The following RAD51C variants were observed in gnomAD, a reference collection of about 807,000 sequenced individuals.
RAD51C encodes the protein RAD51 paralog C.
Under a neutral mutation model 45.0 loss-of-function variants are expected in RAD51C, and 42 were observed. The ratio of observed to expected loss-of-function variants is 0.93; its 90% CI spans 0.73 to 1.21. The LOEUF is 1.21. Among genes scored for constraint, RAD51C ranks in the 50% most tolerant of loss-of-function variants. The pLI is 0.00. For synonymous variants in RAD51C, 172 were observed against 159.8 expected (o/e 1.08, Z -0.58); for missense variants, 474 against 452.2 (o/e 1.05, Z -0.44).
intron 4 of RAD51C, among the ~76,000 whole-genome samples, chr17:58,707,850 C>T (rs1446173416): frequency 6.6e-6 from 1 of 152,168 alleles, no homozygotes; most frequent in Admixed American, 6.5e-5. Flanking sequence ...TGAGAGCTCT[C>T]TCCCTGGCAT....
chr17:58,724,676 T>C (rs2049052068), intron 7 of RAD51C, among the ~76,000 whole-genome samples: 3 of 152,176 alleles, frequency 2.0e-5, no homozygotes, highest in Admixed American at 1.3e-4. Context: ...TTTGTATTTG[T>C]TTTTAAAGCT....
At chr17:58,707,948 C>T (rs2048428156) in intron 4 of RAD51C, among the ~76,000 whole-genome samples, 1 of 152,090 alleles carries the variant, frequency 6.6e-6, no homozygotes, top group African/African-American at 2.4e-5. Context: ...GACACTAATC[C>T]TCTCAAATCA....
At chr17:58,700,940 A>G (rs1598468771) in intron 3 of RAD51C, among the ~76,000 whole-genome samples, 1 of 152,282 alleles carries the variant, frequency 6.6e-6, no homozygotes, top group East Asian at 1.9e-4. Flanking sequence ...TTTGTCATCC[A>G]GGCCGGATTG....
intron 4 of RAD51C, chr17:58,706,427 CT>C (rs1480175325): frequency 6.2e-6 from 2 of 323,224 alleles, no homozygotes; most frequent in Admixed American, 7.6e-5. Flanking sequence ...GAGACTCCAT[CT>C]CAAAAAAATA....
intron 6 of RAD51C, among the ~76,000 whole-genome samples, 174 bp downstream of exon 6, chr17:58,720,986 T>A (rs1386272740): frequency 6.6e-6 from 1 of 152,188 alleles, no homozygotes; most frequent in East Asian, 1.9e-4. Flanking sequence ...CTTTTAGTTA[T>A]TTAACATTTA....
intron 7 of RAD51C, 155 bp from the exon 8 acceptor site, chr17:58,732,329 T>A (rs1044253120): frequency 9.2e-6 from 6 of 655,114 alleles, no homozygotes; most frequent in Non-Finnish European, 1.6e-5. Flanking sequence ...TTGAAGGGTG[T>A]ATTTTTAATA....
intron 4 of RAD51C, chr17:58,706,540 C>CT (rs907120156): frequency 1.9e-5 from 9 of 463,700 alleles, no homozygotes; most frequent in Non-Finnish European, 3.6e-5. Context: ...GGCCCTGCCC[C>CT]TTCCTCTCTC....
intron 5 of RAD51C, among the ~76,000 whole-genome samples, chr17:58,716,035 G>A (rs754642975): frequency 3.4e-4 from 51 of 151,468 alleles, no homozygotes; most frequent in Non-Finnish European, 4.9e-4. Flanking sequence ...AACCCAGGAG[G>A]CAGAGGTTGC....
chr17:58,732,365 GA>G, intron 7 of RAD51C, 118 bp from the exon 8 acceptor site: 1 of 831,980 alleles, frequency 1.2e-6, no homozygotes. Context: ...TGTTCTTAGA[GA>G]AAAAATAGAA....
rs2143716945 is a variant in RAD51C at position 58,694,927 on chromosome 17, T to C, written c.146-4T>C. On this transcript the variant is annotated splice_region_variant and splice_polypyrimidine_tract_variant and intron_variant, in intron 1 of 8. Coordinates refer to ENST00000337432, the MANE Select transcript of RAD51C (RefSeq NM_058216.3). ...GGGTTCTTTTTTTCTTATTTTACTT[T>C]CAGAAGTTGGGATATCTAAAGCAGA... 1.2e-6 allele frequency: 2 copies of C among 1,610,676 alleles called. No homozygotes were observed. The highest frequency in any genetic ancestry group is 1.7e-6 in the Non-Finnish European group (2 of 1,176,964).
At chr17:58,722,889 TTA>T (rs973566125) in intron 6 of RAD51C, among the ~76,000 whole-genome samples, 4 of 152,144 alleles carry the variant, frequency 2.6e-5, no homozygotes, top group African/African-American at 7.2e-5. Flanking sequence ...CAGCTTTAGA[TTA>T]TATGTCTTGC....
At chr17:58,707,300 C>T (rs551998773) in intron 4 of RAD51C, among the ~76,000 whole-genome samples, 67 of 152,086 alleles carry the variant, frequency 4.4e-4, no homozygotes, top group Non-Finnish European at 8.4e-4. Context: ...GGGCGGATTG[C>T]CTGAGGTCAG....
intron 8 of RAD51C, among the ~76,000 whole-genome samples, chr17:58,733,119 A>G (rs1377951595): frequency 1.3e-5 from 2 of 152,020 alleles, no homozygotes; most frequent in Non-Finnish European, 2.9e-5. Context: ...TGGTTTAAGC[A>G]ATTCTCCTGC....
intron 8 of RAD51C, 98 bp downstream of exon 8, chr17:58,732,642 G>A: frequency 8.5e-7 from 1 of 1,181,984 alleles, no homozygotes; most frequent in Non-Finnish European, 1.3e-6. Flanking sequence ...TCTGTAGGCA[G>A]CAAGCATATT....
intron 5 of RAD51C, among the ~76,000 whole-genome samples, chr17:58,712,220 C>T (rs2048579504): frequency 6.6e-6 from 1 of 151,360 alleles, no homozygotes; most frequent in Admixed American, 6.6e-5. Context: ...GGTGGCATGC[C>T]TGTAATCCCA....
chr17:58,729,014 C>T (rs890941664), intron 7 of RAD51C, among the ~76,000 whole-genome samples: 3 of 152,110 alleles, frequency 2.0e-5, no homozygotes, highest in African/African-American at 7.2e-5. Flanking sequence ...TATGTGTGCT[C>T]AGTTTTAGAG....
At chr17:58,705,055 T>C (rs953311121) in intron 4 of RAD51C, among the ~76,000 whole-genome samples, 5 of 151,720 alleles carry the variant, frequency 3.3e-5, no homozygotes, top group African/African-American at 1.2e-4. Context: ...CGCTTGAACC[T>C]GGGAAGCAGA....
intron 6 of RAD51C, among the ~76,000 whole-genome samples, chr17:58,722,003 C>T (rs2048933359): frequency 6.6e-6 from 1 of 152,232 alleles, no homozygotes; most frequent in African/African-American, 2.4e-5. Context: ...GCAAGAGCTT[C>T]CTAATGTTTG....
chr17:58,712,178 C>G (rs2048578122), intron 5 of RAD51C, among the ~76,000 whole-genome samples: 1 of 151,742 alleles, frequency 6.6e-6, no homozygotes, highest in African/African-American at 2.4e-5. Context: ...GAAACCCCAT[C>G]TCTACTAAAA....
Sources: gnomAD v4.1 joint callset for allele counts (sites outside exome capture counted in the v4.1 genomes callset) on GRCh38, gnomAD v4.1.1 for gene constraint, MANE v1.5 for transcripts, NCBI Gene and HGNC (gene_info 2026-07-23, HGNC 2026-07-21) for gene names.